The following LARP1B variants were observed in gnomAD, a reference collection of about 807,000 sequenced individuals.
LARP1B encodes the protein la-related protein 1B.
In LARP1B, 76 loss-of-function variants were observed where a neutral mutation model predicts 114.2. The ratio of observed to expected loss-of-function variants is 0.67; its 90% CI spans 0.55 to 0.81. LARP1B has a LOEUF of 0.81. Ranked by LOEUF, LARP1B falls within the 30% of genes least tolerant of loss-of-function variation. The probability of loss-of-function intolerance (pLI) is 0.00; values close to 1 mark genes in which losing one functional copy is unlikely to be tolerated. For missense variants in LARP1B, 1,014 were observed against 1,075.8 expected (o/e 0.94, Z 0.80); for synonymous variants, 345 against 348.0 (o/e 0.99, Z 0.10).
intron 15 of LARP1B, among the ~76,000 whole-genome samples, chr4:128,181,071 A>G (rs1033039012): frequency 6.6e-6 from 1 of 152,128 alleles, no homozygotes; most frequent in African/African-American, 2.4e-5. Context: ...TGCTTTTTAT[A>G]ACCCAGTCTG....
chr4:128,188,019 C>T (rs1389903276), intron 15 of LARP1B, among the ~76,000 whole-genome samples: 1 of 152,096 alleles, frequency 6.6e-6, no homozygotes, highest in Non-Finnish European at 1.5e-5. Flanking sequence ...GCTGTACTGC[C>T]TACAGAACCA....
At chr4:128,184,350 C>T (rs1749590518) in intron 15 of LARP1B, among the ~76,000 whole-genome samples, 1 of 152,184 alleles carries the variant, frequency 6.6e-6, no homozygotes, top group Non-Finnish European at 1.5e-5. Context: ...AGCATCGAGG[C>T]AAAACCCTCC....
intron 1 of LARP1B, among the ~76,000 whole-genome samples, chr4:128,066,165 CTTTTTTTTT>C (rs59927866): frequency 4.0e-5 from 4 of 99,188 alleles, no homozygotes; most frequent in Non-Finnish European, 5.6e-5. Context: ...TTTCTTTCTT[CTTTTTTTTT>C]TTTTTTTTTT....
chr4:128,112,300 A>C (rs1011458013), intron 9 of LARP1B, among the ~76,000 whole-genome samples: 2 of 151,858 alleles, frequency 1.3e-5, no homozygotes, highest in Non-Finnish European at 2.9e-5. Flanking sequence ...AATAGATCCA[A>C]ATGTTATATG....
intron 10 of LARP1B, among the ~76,000 whole-genome samples, chr4:128,121,036 C>T (rs1787780245): frequency 6.6e-6 from 1 of 150,986 alleles, no homozygotes; most frequent in South Asian, 2.1e-4. Flanking sequence ...GTCTTGAACT[C>T]CTGACCTTGT....
chr4:128,177,917 A>G (rs955980969), intron 13 of LARP1B, among the ~76,000 whole-genome samples: 10 of 151,992 alleles, frequency 6.6e-5, no homozygotes. Flanking sequence ...AATAACATAA[A>G]TGTCTATCTG....
chr4:128,163,099 T>C (rs562369749), intron 12 of LARP1B, among the ~76,000 whole-genome samples: 128 of 152,258 alleles, frequency 8.4e-4, no homozygotes, highest in Non-Finnish European at 1.4e-3. Flanking sequence ...TCATCACTTT[T>C]TTTTTCCAGT....
At chr4:128,129,908 G>A (rs1221522640) in intron 11 of LARP1B, among the ~76,000 whole-genome samples, 1 of 152,058 alleles carries the variant, frequency 6.6e-6, no homozygotes, top group East Asian at 1.9e-4. Flanking sequence ...AACCATAAAC[G>A]TCCTAGAAGA....
intron 17 of LARP1B, among the ~76,000 whole-genome samples, chr4:128,203,290 T>C (rs745568909): frequency 2.6e-5 from 4 of 152,254 alleles, no homozygotes; most frequent in Non-Finnish European, 5.9e-5. Context: ...AACTTATGTA[T>C]AGTAAGTGCT....
intron 11 of LARP1B, among the ~76,000 whole-genome samples, chr4:128,139,237 G>A (rs1414382566): frequency 1.3e-5 from 2 of 152,088 alleles, no homozygotes; most frequent in Non-Finnish European, 2.9e-5. Context: ...TATCAAAATG[G>A]CACATGTACC....
intron 17 of LARP1B, 63 bp downstream of exon 17, chr4:128,200,728 C>CTCTAT (rs1755678522): frequency 1.4e-5 from 17 of 1,218,496 alleles, no homozygotes; most frequent in Admixed American, 5.1e-5. Context: ...TTTTTCTTTA[C>CTCTAT]CCAGGTAGAT....
intron 11 of LARP1B, among the ~76,000 whole-genome samples, chr4:128,143,600 T>C (rs1462207600): frequency 6.6e-6 from 1 of 151,580 alleles, no homozygotes; most frequent in African/African-American, 2.4e-5. Context: ...GTTTTGAGCC[T>C]CTTGATAAAC....
At chr4:128,125,738 C>T (rs1437460950) in intron 11 of LARP1B, among the ~76,000 whole-genome samples, 1 of 152,104 alleles carries the variant, frequency 6.6e-6, no homozygotes, top group African/African-American at 2.4e-5. Context: ...GAACAAGACT[C>T]TAACTCAAAA....
chr4:128,182,014 G>GTT (rs1344956833), intron 15 of LARP1B, among the ~76,000 whole-genome samples: 2 of 149,804 alleles, frequency 1.3e-5, no homozygotes, highest in Non-Finnish European at 3.0e-5. Flanking sequence ...GGGTTTCACC[G>GTT]TGTTAGCCAG....
chr4:128,145,949 G>A (rs1730162519), intron 11 of LARP1B, among the ~76,000 whole-genome samples: 1 of 152,104 alleles, frequency 6.6e-6, no homozygotes, highest in African/African-American at 2.4e-5. Flanking sequence ...ATTAAGTCTT[G>A]GTAAAGAAGT....
At chr4:128,122,387 A>G in intron 11 of LARP1B, 199 bp downstream of exon 11, 1 of 1,471,108 alleles carries the variant, frequency 6.8e-7, no homozygotes, top group Non-Finnish European at 9.0e-7. Flanking sequence ...TAACAGCGTG[A>G]TGAATACTGT....
intron 15 of LARP1B, among the ~76,000 whole-genome samples, chr4:128,198,042 G>A (rs1200948169): frequency 4.0e-5 from 6 of 151,658 alleles, no homozygotes; most frequent in Non-Finnish European, 7.4e-5. Context: ...ATGCCACCAC[G>A]TCCAGCTAAT....
rs146471519 is a variant in LARP1B at position 128,107,011 on chromosome 4, T to C, written c.814-128T>C. 1.0e-3 allele frequency: 722 copies of C among 705,700 alleles called. 1 individual carries two copies. The highest frequency in any genetic ancestry group is 4.0e-3 in the Middle Eastern group (10 of 2,476). 43.7% of individuals were successfully genotyped at this position (705,700 alleles called of 1,614,324 possible). ...ACTTGTGTTCTATGTGGTTAACTTA[T>C]GGATTTTTTAGAATCTTAACTGCAA... On this transcript the variant is annotated intron_variant, in intron 8 of 19. Transcript: ENST00000326639.
intron 17 of LARP1B, among the ~76,000 whole-genome samples, chr4:128,201,656 A>C (rs1755986961): frequency 6.6e-6 from 1 of 152,110 alleles, no homozygotes; most frequent in Non-Finnish European, 1.5e-5. Flanking sequence ...TGCTTTTCTA[A>C]ATCCTATTCT....
Sources: gnomAD v4.1 joint callset for allele counts (sites outside exome capture counted in the v4.1 genomes callset) on GRCh38, gnomAD v4.1.1 for gene constraint, MANE v1.5 for transcripts, NCBI Gene and HGNC (gene_info 2026-07-23, HGNC 2026-07-21) for gene names.